CADPS2: variants seen among roughly 807,000 people sequenced by gnomAD.
CADPS2 encodes calcium dependent secretion activator 2.
In CADPS2, 93 loss-of-function variants were observed where a neutral mutation model predicts 172.5. The ratio of observed to expected loss-of-function variants is 0.54; its 90% CI spans 0.46 to 0.64. The LOEUF is 0.64. Ranked by LOEUF, CADPS2 falls within the 30% of genes least tolerant of loss-of-function variation. The pLI is 0.00. For missense variants in CADPS2, 1,420 were observed against 1,565.9 expected (o/e 0.91, Z 1.57); for synonymous variants, 546 against 555.2 (o/e 0.98, Z 0.23).
intron 27 of CADPS2, 110 bp from the exon 28 acceptor site, chr7:122,345,791 G>C (rs1229613421): frequency 1.5e-6 from 1 of 688,382 alleles, no homozygotes; most frequent in Non-Finnish European, 2.4e-6. Flanking sequence ...TCATAACAAG[G>C]AGCTTAAAAC....
intron 3 of CADPS2, among the ~76,000 whole-genome samples, chr7:122,629,606 T>C (rs1361996324): frequency 6.6e-6 from 1 of 152,152 alleles, no homozygotes; most frequent in African/African-American, 2.4e-5. Context: ...TCCTAAATAG[T>C]TCCAGAAAGA....
At chr7:122,542,030 G>A (rs1013349403) in intron 8 of CADPS2, among the ~76,000 whole-genome samples, 10 of 151,548 alleles carry the variant, frequency 6.6e-5, no homozygotes, top group African/African-American at 2.2e-4. Flanking sequence ...ATTATCTATT[G>A]TGTAATGATA....
At chr7:122,459,097 A>G (rs2054144060) in intron 14 of CADPS2, among the ~76,000 whole-genome samples, 1 of 151,950 alleles carries the variant, frequency 6.6e-6, no homozygotes, top group Admixed American at 6.6e-5. Context: ...TGTAAATATA[A>G]TTATAATTTA....
At chr7:122,703,808 T>G (rs2086553717) in intron 2 of CADPS2, among the ~76,000 whole-genome samples, 1 of 151,990 alleles carries the variant, frequency 6.6e-6, no homozygotes, top group Non-Finnish European at 1.5e-5. Flanking sequence ...GCAGCATAGA[T>G]GTAGAGACAC....
intron 9 of CADPS2, 144 bp from the exon 10 acceptor site, chr7:122,491,564 A>G (rs2058291363): frequency 1.8e-6 from 1 of 550,338 alleles, no homozygotes. Context: ...ATTTTTCAAA[A>G]CCTAGCTCAG....
At position 122,575,969 on chromosome 7, in the gene CADPS2, T is replaced by C. The variant is rs562737861; in HGVS notation, c.1335+5210A>G. On this transcript the variant is annotated intron_variant, in intron 7 of 29. Coordinates refer to ENST00000449022, the MANE Select transcript of CADPS2 (RefSeq NM_017954.11). ...ATTTGTTATAACCAAGAAACTTACA[T>C]TGGCACATTACTATTAACTGAATTC... 1.3e-3 allele frequency among the ~76,000 whole-genome samples: 200 copies of C among 152,312 alleles called. 1 individual carries two copies. The highest frequency in any genetic ancestry group is 4.5e-3 in the African/African-American group (186 of 41,590).
In CADPS2 at chr7:122,407,608, G is replaced by A. The variant is rs1563260598; in HGVS notation, c.2678C>T (p.Ala893Val). ...ACTATCCCAGGAGTCTTGCGGTTGA[G>A]CCTCTAGTGCAGTGTCCATATCCAC... ...FTVDMDTALEAQPQDSWDSFP... is the reference protein window; with the variant it reads ...FTVDMDTALEVQPQDSWDSFP... Residue 893 changes from alanine to valine, a missense_variant, in exon 20 of 30, where the codon GCT becomes GTT. Physicochemically the swap from Ala to Val is moderately conservative, Grantham distance 64 (BLOSUM62 0). Coordinates refer to ENST00000449022, the MANE Select transcript of CADPS2 (RefSeq NM_017954.11). 6 of 1,612,126 alleles carry A rather than the reference G, an allele frequency of 3.7e-6. No homozygotes were observed. The highest frequency in any genetic ancestry group is 1.1e-5 in the South Asian group (1 of 90,448).
chr7:122,660,605 T>TA (rs2080416372), intron 3 of CADPS2, among the ~76,000 whole-genome samples: 3 of 84,302 alleles, frequency 3.6e-5, no homozygotes, highest in East Asian at 1.8e-3. Flanking sequence ...CAGTCTGGAT[T>TA]TAAAAAAAAA....
chr7:122,418,199 G>C (rs1008446223), intron 17 of CADPS2, among the ~76,000 whole-genome samples: 2 of 151,618 alleles, frequency 1.3e-5, no homozygotes, highest in Non-Finnish European at 2.9e-5. Flanking sequence ...ACATTTTCTT[G>C]AGAGCCAATT....
chr7:122,875,738 T>A (rs1166534729), intron 1 of CADPS2, among the ~76,000 whole-genome samples: 2 of 152,138 alleles, frequency 1.3e-5, no homozygotes, highest in African/African-American at 4.8e-5. Flanking sequence ...GAAAAGAGAA[T>A]ATTTAAATAA....
chr7:122,641,097 T>TA, intron 3 of CADPS2, among the ~76,000 whole-genome samples: 1 of 152,182 alleles, frequency 6.6e-6, no homozygotes, highest in Admixed American at 6.5e-5. Context: ...ATTTTTTTTT[T>TA]ACTTTTAACT....
intron 3 of CADPS2, among the ~76,000 whole-genome samples, chr7:122,644,339 CT>C (rs764856061): frequency 2.0e-5 from 3 of 152,014 alleles, no homozygotes; most frequent in Non-Finnish European, 4.4e-5. Flanking sequence ...GCCTGGGATC[CT>C]TTTTTTCACT....
In CADPS2 at chr7:122,416,074, T is replaced by C; in HGVS notation, c.2567A>G (p.Glu856Gly). Residue 856 changes from glutamate to glycine, a missense_variant, in exon 18 of 30, where the codon GAG becomes GGG. Transcript: ENST00000449022. ...LCIEVLQQNE[E>G]HHAEGREAFA... ...ACAGGTCATCACCTCTGCATGATGC[T>C]CTTCATTCTGCTGTAAGACTTCTAT... The C allele has an allele frequency of 6.5e-7, 1 of 1,533,052 alleles. No individual in the cohort carries two copies. The highest frequency in any genetic ancestry group is 8.8e-7 in the Non-Finnish European group (1 of 1,132,324). 95.0% of individuals were successfully genotyped at this position (1,533,052 alleles called of 1,614,324 possible).
intron 1 of CADPS2, among the ~76,000 whole-genome samples, chr7:122,840,272 C>A (rs374880538): frequency 6.6e-5 from 10 of 151,832 alleles, no homozygotes; most frequent in African/African-American, 2.2e-4. Flanking sequence ...CACACCAGGG[C>A]CTGTTGTGGG....
chr7:122,351,198 A>G (rs573419287), intron 27 of CADPS2, among the ~76,000 whole-genome samples: 1 of 150,642 alleles, frequency 6.6e-6, no homozygotes. Context: ...GTTACTAAAC[A>G]TCGTCTCTAC....
At chr7:122,721,463 C>CG (rs2090389449) in intron 2 of CADPS2, among the ~76,000 whole-genome samples, 1 of 152,084 alleles carries the variant, frequency 6.6e-6, no homozygotes, top group Non-Finnish European at 1.5e-5. Context: ...TTCCTCAACA[C>CG]ATACACCCTC....
At position 122,520,217 on chromosome 7, in the gene CADPS2, G is replaced by A. The variant is rs62474622; in HGVS notation, c.1476-6902C>T. On this transcript the variant is annotated intron_variant, in intron 8 of 29. Coordinates refer to ENST00000449022, the MANE Select transcript of CADPS2 (RefSeq NM_017954.11). ...TTTAGTACCAATAAAATGGTTCTTGGCAATAGATTTATTGAGTAAAATGAA... is the reference window on the plus strand; with the variant it reads ...TTTAGTACCAATAAAATGGTTCTTGACAATAGATTTATTGAGTAAAATGAA... Among the ~76,000 whole-genome samples the A allele has an allele frequency of 9.2e-3, 1,392 of 152,062 alleles. 16 individuals carry two copies. The highest frequency in any genetic ancestry group is 0.013 in the Admixed American group (203 of 15,258).
intron 7 of CADPS2, 74 bp downstream of exon 7, chr7:122,581,105 T>C: frequency 9.7e-7 from 1 of 1,028,342 alleles, no homozygotes; most frequent in South Asian, 1.4e-5. Context: ...TATGGCATAC[T>C]GATCTACCTT....
intron 3 of CADPS2, among the ~76,000 whole-genome samples, chr7:122,645,370 T>C (rs1471114772): frequency 1.5e-4 from 17 of 109,814 alleles, no homozygotes; most frequent in Admixed American, 2.7e-4. Context: ...TGTACATGTA[T>C]ACACACATAT....
Sources: allele counts gnomAD v4.1 joint callset (sites outside exome capture counted in the v4.1 genomes callset), GRCh38; gene constraint gnomAD v4.1.1; transcripts MANE v1.5; gene names NCBI Gene and HGNC (gene_info 2026-07-23, HGNC 2026-07-21).